CLYBL: variants seen among roughly 807,000 people sequenced by gnomAD.
CLYBL encodes the protein citramalyl-CoA lyase.
CLYBL carries 31 observed loss-of-function variants against 38.9 expected under a neutral mutation model. The observed-to-expected ratio is 0.80, with a 90% CI of 0.60 to 1.08. The LOEUF is 1.08. CLYBL is among the 50% of genes least tolerant of loss of function. The probability of loss-of-function intolerance (pLI) is 0.00; values close to 1 mark genes in which losing one functional copy is unlikely to be tolerated. For synonymous variants in CLYBL, 171 were observed against 158.6 expected (o/e 1.08, Z -0.59); for missense variants, 434 against 411.6 (o/e 1.05, Z -0.47).
chr13:99,627,487 C>A (rs968711318), intron 1 of CLYBL, among the ~76,000 whole-genome samples: 1 of 152,086 alleles, frequency 6.6e-6, no homozygotes, highest in Non-Finnish European at 1.5e-5. Flanking sequence ...GATCTTTGGT[C>A]TTAAAAAGGA....
At chr13:99,627,507 G>A (rs1034737455) in intron 1 of CLYBL, among the ~76,000 whole-genome samples, 2 of 152,140 alleles carry the variant, frequency 1.3e-5, no homozygotes, top group African/African-American at 4.8e-5. Context: ...AAAATTTTCT[G>A]TGTGCGAGTT....
intron 1 of CLYBL, among the ~76,000 whole-genome samples, chr13:99,629,621 G>T (rs2046915539): frequency 6.6e-6 from 1 of 152,174 alleles, no homozygotes; most frequent in Admixed American, 6.5e-5. Context: ...ATTCTCATGG[G>T]CAGCTTGAGA....
At chr13:99,616,131 C>T (rs1326508508) in intron 1 of CLYBL, among the ~76,000 whole-genome samples, 3 of 146,906 alleles carry the variant, frequency 2.0e-5, no homozygotes, top group Non-Finnish European at 4.5e-5. Flanking sequence ...AGGTGTGAGC[C>T]ACCACGCCTG....
chr13:99,858,821 T>A, intron 2 of CLYBL, 40 bp from the exon 3 acceptor site: 1 of 1,450,558 alleles, frequency 6.9e-7, no homozygotes, highest in Non-Finnish European at 9.4e-7. Context: ...CTCCCCTCAA[T>A]GATAAAAATA....
intron 7 of CLYBL, among the ~76,000 whole-genome samples, chr13:99,878,075 A>T (rs2052097443): frequency 6.6e-6 from 1 of 152,232 alleles, no homozygotes; most frequent in African/African-American, 2.4e-5. Flanking sequence ...AAATAGGTAC[A>T]CGAAACACAT....
intron 1 of CLYBL, among the ~76,000 whole-genome samples, chr13:99,759,666 G>A (rs2049129514): frequency 6.6e-6 from 1 of 152,140 alleles, no homozygotes; most frequent in Non-Finnish European, 1.5e-5. Flanking sequence ...GCACCCATGG[G>A]TGACAAGTGA....
At chr13:99,811,551 G>A (rs934056015) in intron 2 of CLYBL, among the ~76,000 whole-genome samples, 2 of 152,146 alleles carry the variant, frequency 1.3e-5, no homozygotes, top group African/African-American at 4.8e-5. Context: ...GCTGAGAAGC[G>A]GCTGGAGCCA....
intron 1 of CLYBL, among the ~76,000 whole-genome samples, chr13:99,676,939 G>C (rs2047662236): frequency 6.7e-6 from 1 of 149,016 alleles, no homozygotes; most frequent in Non-Finnish European, 1.5e-5. Flanking sequence ...ATGGTGTATA[G>C]ATAAATACTG....
At chr13:99,833,608 C>A (rs2050867865) in intron 2 of CLYBL, among the ~76,000 whole-genome samples, 2 of 151,740 alleles carry the variant, frequency 1.3e-5, no homozygotes, top group Non-Finnish European at 2.9e-5. Context: ...CAGAACCATC[C>A]CTGAGTGCCT....
At chr13:99,660,249 A>G (rs968790422) in intron 1 of CLYBL, among the ~76,000 whole-genome samples, 9 of 152,246 alleles carry the variant, frequency 5.9e-5, no homozygotes, top group African/African-American at 1.2e-4. Context: ...GAAAGATTGC[A>G]GGAAGCCGGA....
At chr13:99,903,271 G>A (rs112399018) in intron 8 of CLYBL, among the ~76,000 whole-genome samples, 15 of 152,328 alleles carry the variant, frequency 9.8e-5, no homozygotes, top group East Asian at 1.9e-4. Context: ...CCCCATGGCC[G>A]CAGTCTGCCA....
chr13:99,839,333 C>T (rs928448632), intron 2 of CLYBL, among the ~76,000 whole-genome samples: 12 of 152,194 alleles, frequency 7.9e-5, no homozygotes, highest in African/African-American at 1.4e-4. Context: ...GGGAAACATA[C>T]GGACCACACT....
At chr13:99,630,726 T>C (rs2046931452) in intron 1 of CLYBL, among the ~76,000 whole-genome samples, 1 of 152,158 alleles carries the variant, frequency 6.6e-6, no homozygotes, top group Non-Finnish European at 1.5e-5. Flanking sequence ...CTCTGCCCTC[T>C]CTTAAATCCT....
At chr13:99,797,841 A>C (rs1215470587) in intron 2 of CLYBL, among the ~76,000 whole-genome samples, 1 of 152,204 alleles carries the variant, frequency 6.6e-6, no homozygotes, top group East Asian at 1.9e-4. Flanking sequence ...AGGCAGGAAA[A>C]TTATAGCCTA....
chr13:99,732,200 G>T (rs2000148), intron 1 of CLYBL, among the ~76,000 whole-genome samples: 40,084 of 129,808 alleles, frequency 0.31, 6,904 homozygotes, highest in East Asian at 0.55. Flanking sequence ...TTGAGACAGG[G>T]TCTTACCTTG....
chr13:99,874,225 T>C (rs2051980199), intron 7 of CLYBL, among the ~76,000 whole-genome samples: 2 of 152,250 alleles, frequency 1.3e-5, no homozygotes, highest in South Asian at 4.1e-4. Context: ...GTTTTTAATT[T>C]AGCTGACATC....
intron 1 of CLYBL, among the ~76,000 whole-genome samples, chr13:99,644,138 T>C (rs2139278672): frequency 6.6e-6 from 1 of 152,090 alleles, no homozygotes; most frequent in Non-Finnish European, 1.5e-5. Context: ...TGTATGTATG[T>C]ATATGTGGTG....
intron 1 of CLYBL, among the ~76,000 whole-genome samples, chr13:99,709,127 T>A (rs553316288): frequency 1.3e-5 from 2 of 152,074 alleles, no homozygotes; most frequent in South Asian, 4.2e-4. Context: ...GTGATTAGGT[T>A]GGGCACTAAT....
At chr13:99,831,194 G>A (rs2050797158) in intron 2 of CLYBL, among the ~76,000 whole-genome samples, 1 of 152,192 alleles carries the variant, frequency 6.6e-6, no homozygotes, top group African/African-American at 2.4e-5. Context: ...CACACCTCAA[G>A]TCCACATTTC....
Sources: allele counts gnomAD v4.1 joint callset (sites outside exome capture counted in the v4.1 genomes callset), GRCh38; gene constraint gnomAD v4.1.1; transcripts MANE v1.5; gene names NCBI Gene and HGNC (gene_info 2026-07-23, HGNC 2026-07-21).